The following ZC3H4 variants were observed in gnomAD, a reference collection of about 807,000 sequenced individuals.
ZC3H4 encodes zinc finger CCCH-type containing 4.
Under a neutral mutation model 108.3 loss-of-function variants are expected in ZC3H4, and 13 were observed. The observed-to-expected ratio is 0.12, with a 90% CI of 0.08 to 0.19. The LOEUF (loss-of-function observed/expected upper bound fraction) is 0.19, where lower values mean the gene tolerates loss of function less well. ZC3H4 is among the 10% of genes least tolerant of loss of function. ZC3H4 has a pLI of 1.00. For missense variants in ZC3H4, 1,734 were observed against 1,838.8 expected (o/e 0.94, Z 1.04); for synonymous variants, 917 against 749.6 (o/e 1.22, Z -3.65).
chr19:47,067,153 T>A lies in ZC3H4; in HGVS notation c.3115A>T (p.Asn1039Tyr). 1 of 1,611,800 alleles carries A rather than the reference T, an allele frequency of 6.2e-7. No homozygotes were observed. The highest frequency in any genetic ancestry group is 8.5e-7 in the Non-Finnish European group (1 of 1,178,830). ...ASTDSSTQGA[N>Y]LPDFELLSRI... Reference sequence around the variant, plus strand: ...GACAGAAGTTCAAAGTCGGGGAGGTTGGCGCCCTGTGTGCTGGAATCCGTG... The same window carrying A: ...GACAGAAGTTCAAAGTCGGGGAGGTAGGCGCCCTGTGTGCTGGAATCCGTG... The change falls in exon 15 of 15, where the codon AAC becomes TAC. Residue 1039 changes from asparagine (N) to tyrosine (Y), a missense_variant. Asn to Tyr is a moderately radical substitution (Grantham distance 143). This residue lies in a region of ZC3H4 where 518 missense variants were observed against 499.6 expected (regional missense o/e 1.04). Coordinates refer to ENST00000253048, the MANE Select transcript of ZC3H4 (RefSeq NM_015168.2). This position sits in a 1 kb window ranked among gnomAD's most constrained non-coding sequence, Gnocchi z 6.4.
rs141864631 is a variant in ZC3H4 at position 47,082,084 on chromosome 19, G to C, written c.1330+100C>G. 4.3e-5 allele frequency: 45 copies of C among 1,035,992 alleles called. No individual in the cohort carries two copies. In the East Asian group the frequency reaches 1.0e-3, roughly 24 times the overall value. The allele number at this position is 1,035,992 out of a possible 1,614,324, so 64.2% of individuals were successfully genotyped here. On this transcript the variant is annotated intron_variant, in intron 10 of 14. Coordinates refer to ENST00000253048, the MANE Select transcript of ZC3H4 (RefSeq NM_015168.2). The stretch of plus-strand genomic sequence containing the variant: ...ACTCACAGAAAGCTCTTGGCACAGA[G>C]AGAAAGCACAGAGAAGGAAGATTGG...
chr19:47,072,116 G>C lies in ZC3H4; in HGVS notation c.1808C>G (p.Pro603Arg). The change falls in exon 13 of 15, where the codon CCT (proline) becomes CGT (arginine). Residue 603 changes from proline (P) to arginine (R), a missense_variant. Physicochemically the swap from Pro to Arg is moderately radical, Grantham distance 103. Transcript: ENST00000253048. This position sits in a 1 kb window ranked among gnomAD's most constrained non-coding sequence, Gnocchi z 5.6. ...TGGCCCTGGGGGTCCACCGGGTCCA[G>C]GGAACCTAGAAGAGGGAAAAGGTGC... ...QLAEKLGVRFPGPGGPPGPMG... is the reference protein window; with the variant it reads ...QLAEKLGVRFRGPGGPPGPMG... 6.5e-7 allele frequency: 1 copy of C among 1,535,154 alleles called. No homozygotes were observed. Among genetic ancestry groups the C allele is most frequent in the African/African-American group, 1.4e-5 (1 of 72,120 alleles).
Position 47,067,851 on chromosome 19 carries a change from T to C in ZC3H4, c.2417A>G (p.Tyr806Cys). 6.3e-7 allele frequency: 1 copy of C among 1,599,138 alleles called. No individual in the cohort carries two copies. Among genetic ancestry groups the C allele is most frequent in the Non-Finnish European group, 8.5e-7 (1 of 1,174,108 alleles). ...TCCACCCTCATCCTCATCACTTGAG[T>C]ACCAGTTTCCGGTGTCACCTGGGAA... ...ENEEGDTGNWYSSDEDEGGSS... is the reference protein window; with the variant it reads ...ENEEGDTGNWCSSDEDEGGSS... The change falls in exon 15 of 15, where the codon TAC (tyrosine) becomes TGC (cysteine). Residue 806 changes from tyrosine (Y) to cysteine (C), a missense_variant. Tyr to Cys is a radical substitution (Grantham distance 194). Coordinates refer to ENST00000253048, the MANE Select transcript of ZC3H4 (RefSeq NM_015168.2). This position sits in a 1 kb window ranked among gnomAD's most constrained non-coding sequence, Gnocchi z 6.4.
At chr19:47,073,453 T>C (rs1259716365) in intron 11 of ZC3H4, among the ~76,000 whole-genome samples, 1 of 151,980 alleles carries the variant, frequency 6.6e-6, no homozygotes, top group Non-Finnish European at 1.5e-5. Context: ...GCACCTGTAA[T>C]CCCAGCTACT....
intron 11 of ZC3H4, among the ~76,000 whole-genome samples, chr19:47,074,577 C>A (rs1483123895): frequency 6.6e-6 from 1 of 152,244 alleles, no homozygotes; most frequent in Admixed American, 6.5e-5. Flanking sequence ...TTTGGGAGGG[C>A]TCCCAGCATT....
Position 47,097,042 on chromosome 19 carries a change from G to A in ZC3H4, c.162-2434C>T, listed in dbSNP as rs963576874. On this transcript the variant is annotated intron_variant, in intron 2 of 14. Coordinates refer to ENST00000253048, the MANE Select transcript of ZC3H4 (RefSeq NM_015168.2). Reference sequence around the variant, plus strand: ...TCTACATCTAACACCTGCGGGCAGAGGACAAAAGACCATTCAAGGAACTCC... The same window carrying A: ...TCTACATCTAACACCTGCGGGCAGAAGACAAAAGACCATTCAAGGAACTCC... 39 of 968,658 alleles carry A rather than the reference G, an allele frequency of 4.0e-5. No individual in the cohort carries two copies. The African/African-American group carries it at 5.8e-4, about 14-fold the overall frequency. 60.0% of individuals were successfully genotyped at this position (968,658 alleles called of 1,614,324 possible).
At chr19:47,099,890 G>A (rs1464017632) in intron 2 of ZC3H4, among the ~76,000 whole-genome samples, 2 of 151,560 alleles carry the variant, frequency 1.3e-5, no homozygotes, top group Non-Finnish European at 2.9e-5. Context: ...AACAGCAGCG[G>A]TTACCTTAAG....
intron 2 of ZC3H4, among the ~76,000 whole-genome samples, chr19:47,101,677 C>T (rs2057905614): frequency 6.6e-6 from 1 of 151,958 alleles, no homozygotes; most frequent in Non-Finnish European, 1.5e-5. Context: ...TCGAGACCAG[C>T]CTGACCAACG....
chr19:47,107,645 G>A (rs1228057250), intron 2 of ZC3H4, among the ~76,000 whole-genome samples: 1 of 147,568 alleles, frequency 6.8e-6, no homozygotes, highest in Non-Finnish European at 1.5e-5. Flanking sequence ...AAATAATCCT[G>A]CGTTCTGTTA....
intron 2 of ZC3H4, among the ~76,000 whole-genome samples, chr19:47,111,676 C>G (rs1004729074): frequency 3.9e-5 from 6 of 152,090 alleles, no homozygotes; most frequent in Admixed American, 3.9e-4. Flanking sequence ...ATCAAAAGGG[C>G]TGGAGATGCA....
intron 6 of ZC3H4, 140 bp from the exon 7 acceptor site, chr19:47,085,554 G>A (rs2057604735): frequency 1.7e-5 from 12 of 726,528 alleles, no homozygotes; most frequent in Admixed American, 9.0e-5. Flanking sequence ...ACAGCCTGAC[G>A]ACAGGTGGTC....
chr19:47,109,284 T>C (rs1478583834), intron 2 of ZC3H4, among the ~76,000 whole-genome samples: 2 of 152,238 alleles, frequency 1.3e-5, no homozygotes, highest in Non-Finnish European at 2.9e-5. Context: ...AACCGTTGTG[T>C]TGACATGCCT....
chr19:47,112,178 A>AGAGCGAGAGC, intron 2 of ZC3H4: 1 of 1,167,832 alleles, frequency 8.6e-7, no homozygotes, highest in Non-Finnish European at 1.1e-6. Context: ...CAAAAAAGAC[A>AGAGCGAGAGC]GAGCGAGAGC....
rs537658827 is a variant in ZC3H4, at chr19:47,072,555, G to T, written c.1599C>A (p.Asn533Lys). 3.2e-6 allele frequency: 5 copies of T among 1,542,398 alleles called. No individual in the cohort carries two copies. Among genetic ancestry groups the T allele is most frequent in the Non-Finnish European group, 4.4e-6 (5 of 1,146,456 alleles). ...GGGGGCCACCCTGCATGGGCCTGCC[G>T]TTGGGAGAGGTTGGAGCCTGCGGGC... ...PPGPQAPTSP[N>K]GRPMQGGPPP... Residue 533 changes from asparagine (N) to lysine (K), a missense_variant, in exon 12 of 15, where the codon AAC (asparagine) becomes AAA (lysine). Asn to Lys is a moderately conservative substitution (Grantham distance 94). Transcript: ENST00000253048. This position sits in a 1 kb window ranked among gnomAD's most constrained non-coding sequence, Gnocchi z 5.6.
chr19:47,104,483 G>A (rs1026906999), intron 2 of ZC3H4, among the ~76,000 whole-genome samples: 1 of 152,168 alleles, frequency 6.6e-6, no homozygotes, highest in South Asian at 2.1e-4. Flanking sequence ...CATGCTCAGT[G>A]CATATTCTAT....
chr19:47,066,655 C>T lies in ZC3H4; in HGVS notation c.3613G>A (p.Gly1205Ser), dbSNP rs759647628. 8.7e-6 allele frequency: 14 copies of T among 1,611,670 alleles called. No individual in the cohort carries two copies. Among genetic ancestry groups the T allele is most frequent in the South Asian group, 6.6e-5 (6 of 90,780 alleles). Residue 1205 changes from glycine to serine, a missense_variant, in exon 15 of 15, where the codon GGT (glycine) becomes AGT (serine). Around this residue, in one of 9 missense-constraint regions of ZC3H4, gnomAD observed 518 missense variants for 499.6 expected, o/e 1.04. Transcript: ENST00000253048. ...TCCGTGGGGGTGCCCCCATCAGCAC[C>T]GGCCTTCCCTGTCTCTGGCTGTTCC... Reference protein sequence around the residue: ...ALEQPETGKAGADGGTPTDRY... With the variant: ...ALEQPETGKASADGGTPTDRY...
At chr19:47,106,140 C>A (rs2057965681) in intron 2 of ZC3H4, among the ~76,000 whole-genome samples, 1 of 152,212 alleles carries the variant, frequency 6.6e-6, no homozygotes, top group Non-Finnish European at 1.5e-5. Context: ...CAATTGTGCA[C>A]AAATGGCACT....
chr19:47,110,602 G>A (rs1007333337), intron 2 of ZC3H4, among the ~76,000 whole-genome samples: 1 of 152,158 alleles, frequency 6.6e-6, no homozygotes. Flanking sequence ...GAAAAAGAGG[G>A]AGATCATTGA....
chr19:47,082,093 C>G, intron 10 of ZC3H4, 91 bp downstream of exon 10: 1 of 1,100,590 alleles, frequency 9.1e-7, no homozygotes, highest in Non-Finnish European at 1.4e-6. Context: ...AGAGAAAGCA[C>G]AGAGAAGGAA....
Sources: allele counts gnomAD v4.1 joint callset (sites outside exome capture counted in the v4.1 genomes callset), GRCh38; gene constraint gnomAD v4.1.1; regional missense constraint gnomAD v4.1.1; non-coding constraint Gnocchi (gnomAD v3.1); transcripts MANE v1.5; gene names NCBI Gene and HGNC (gene_info 2026-07-23, HGNC 2026-07-21).